Variants in LIN7A observed in about 807,000 individuals in gnomAD.
The protein encoded by LIN7A is protein lin-7 homolog A.
Under a neutral mutation model 29.8 loss-of-function variants are expected in LIN7A, and 25 were observed. The observed-to-expected ratio is 0.84, with a 90% confidence interval of 0.61 to 1.17. The LOEUF (loss-of-function observed/expected upper bound fraction) is 1.17, where lower values mean the gene tolerates loss of function less well. LIN7A is among the 50% of genes most tolerant of loss of function. The pLI, the probability that LIN7A is intolerant of heterozygous loss-of-function variation, is 0.00. For synonymous variants in LIN7A, 118 were observed against 107.5 expected (o/e 1.10, Z -0.60); for missense variants, 239 against 287.0 (o/e 0.83, Z 1.21).
chr12:80,907,053 CTCTGTGTGTGTG>C lies in LIN7A; in HGVS notation c.83-17696_83-17685del, dbSNP rs1368456250. 7.1e-4 allele frequency among the ~76,000 whole-genome samples: 95 copies of C among 133,010 alleles called. 1 individual carries two copies. The highest frequency in any genetic ancestry group is 2.4e-3 in the Admixed American group (32 of 13,410). The allele number at this position is 133,010 out of a possible 152,430, so 87.3% of individuals were successfully genotyped here. A position where few individuals can be genotyped will look rare whatever the true frequency, so the allele number is the denominator to read the frequency against. On this transcript the variant is annotated intron_variant, in intron 1 of 5. Coordinates refer to ENST00000552864, the MANE Select transcript of LIN7A (RefSeq NM_004664.4). ...AATAGAACATACCTCAGAGTGCGTG[CTCTGTGTGTGTG>C]TGTGTGTGTGTGTGTGTGTGTGTGT...
chr12:80,844,779 T>C (rs1399142932), intron 4 of LIN7A, among the ~76,000 whole-genome samples: 1 of 152,182 alleles, frequency 6.6e-6, no homozygotes, highest in Non-Finnish European at 1.5e-5. Flanking sequence ...GAATATGTTA[T>C]GAGAAAATGT....
At chr12:80,875,861 A>G (rs938977555) in intron 2 of LIN7A, among the ~76,000 whole-genome samples, 1 of 152,114 alleles carries the variant, frequency 6.6e-6, no homozygotes, top group African/African-American at 2.4e-5. Context: ...TTAATAAGAT[A>G]GATAGAGATC....
intron 4 of LIN7A, among the ~76,000 whole-genome samples, chr12:80,834,937 T>A (rs910483008): frequency 6.6e-6 from 1 of 152,190 alleles, no homozygotes. Flanking sequence ...TAGACCAGCA[T>A]AAATAAGTTA....
chr12:80,877,698 TTTC>T (rs1487818410), intron 2 of LIN7A, among the ~76,000 whole-genome samples: 1 of 152,176 alleles, frequency 6.6e-6, no homozygotes, highest in Admixed American at 6.5e-5. Flanking sequence ...ACTAAATTCA[TTTC>T]TTTTTACATG....
At chr12:80,826,887 G>A (rs970146085) in intron 4 of LIN7A, among the ~76,000 whole-genome samples, 14 of 152,262 alleles carry the variant, frequency 9.2e-5, no homozygotes, top group African/African-American at 2.9e-4. Flanking sequence ...ACACAACTAT[G>A]ATAGGCACTG....
intron 4 of LIN7A, among the ~76,000 whole-genome samples, chr12:80,842,779 T>C (rs1368334370): frequency 6.6e-6 from 1 of 152,164 alleles, no homozygotes; most frequent in African/African-American, 2.4e-5. Context: ...ATGAAGTCTC[T>C]TATTTACAGA....
chr12:80,832,805 T>C (rs180742875), intron 4 of LIN7A, among the ~76,000 whole-genome samples: 1 of 152,334 alleles, frequency 6.6e-6, no homozygotes, highest in East Asian at 1.9e-4. Context: ...GGTTTGGAAC[T>C]GTTTTCATGA....
intron 1 of LIN7A, among the ~76,000 whole-genome samples, chr12:80,921,263 C>T (rs2120874550): frequency 6.6e-6 from 1 of 151,974 alleles, no homozygotes; most frequent in African/African-American, 2.4e-5. Context: ...AATTCCCAGA[C>T]TCCAGAACCA....
rs540719411 is a variant in LIN7A at position 80,821,142 on chromosome 12, C to T, written c.484-9459G>A. Among the ~76,000 whole-genome samples, 156 of 152,286 alleles carry T rather than the reference C, an allele frequency of 1.0e-3. 1 individual carries two copies. The highest frequency in any genetic ancestry group is 3.7e-3 in the African/African-American group (154 of 41,562). The stretch of plus-strand genomic sequence containing the variant: ...AATTCACTGTGACTTCTTAAACCAC[C>T]AAAGCCTTAGCAGAGCCAGGGTGCC... On this transcript the variant is annotated intron_variant, in intron 4 of 5. Coordinates refer to ENST00000552864, the MANE Select transcript of LIN7A (RefSeq NM_004664.4).
chr12:80,844,803 T>C (rs1006718296), intron 4 of LIN7A, among the ~76,000 whole-genome samples: 5 of 152,212 alleles, frequency 3.3e-5, no homozygotes, highest in Non-Finnish European at 7.3e-5. Flanking sequence ...TTCATACTTT[T>C]ACTTTAAAAT....
chr12:80,825,157 G>A (rs1343727679), intron 4 of LIN7A, among the ~76,000 whole-genome samples: 1 of 152,148 alleles, frequency 6.6e-6, no homozygotes, highest in African/African-American at 2.4e-5. Flanking sequence ...TAGCCAGGAA[G>A]GGAAGGGGTT....
chr12:80,924,651 TA>T (rs1249167920), intron 1 of LIN7A, among the ~76,000 whole-genome samples: 1 of 152,234 alleles, frequency 6.6e-6, no homozygotes, highest in African/African-American at 2.4e-5. Flanking sequence ...CTCATACCCC[TA>T]AAGCCATGTT....
At chr12:80,910,120 CT>C (rs1876681437) in intron 1 of LIN7A, among the ~76,000 whole-genome samples, 1 of 152,118 alleles carries the variant, frequency 6.6e-6, no homozygotes, top group South Asian at 2.1e-4. Flanking sequence ...TTAAATCTGA[CT>C]CAGTACTTTC....
intron 1 of LIN7A, among the ~76,000 whole-genome samples, chr12:80,905,854 T>A (rs1876450132): frequency 6.6e-6 from 1 of 152,170 alleles, no homozygotes; most frequent in Non-Finnish European, 1.5e-5. Context: ...TCAAACTTTC[T>A]TTTTATGATT....
chr12:80,907,658 A>G (rs947656717), intron 1 of LIN7A, among the ~76,000 whole-genome samples: 6 of 152,156 alleles, frequency 3.9e-5, no homozygotes, highest in Non-Finnish European at 8.8e-5. Flanking sequence ...AGAACACAAA[A>G]AAAGGCTATG....
chr12:80,875,592 G>C lies in LIN7A; in HGVS notation c.201+13659C>G, dbSNP rs1048293906. On this transcript the variant is annotated intron_variant, in intron 2 of 5. Transcript: ENST00000552864. The stretch of plus-strand genomic sequence containing the variant: ...ATGTTATTCTGAACTAGAAATGTTA[G>C]CATGTTTTGTCTGCGATTTCTATGA... Among the ~76,000 whole-genome samples, 5 of 152,278 alleles carry C rather than the reference G, an allele frequency of 3.3e-5. No individual in the cohort carries two copies. In the East Asian group the frequency reaches 7.7e-4, roughly 23 times the overall value.
At chr12:80,820,960 G>A (rs953434834) in intron 4 of LIN7A, among the ~76,000 whole-genome samples, 2 of 152,188 alleles carry the variant, frequency 1.3e-5, no homozygotes, top group Non-Finnish European at 2.9e-5. Flanking sequence ...GTGACCGCCA[G>A]TTCTCATTGT....
At chr12:80,811,419 G>GTGTGTATGTA (rs756706832) in intron 5 of LIN7A, 46 bp downstream of exon 5, 39 of 601,526 alleles carry the variant, frequency 6.5e-5, no homozygotes, top group East Asian at 2.7e-4. Flanking sequence ...ATGTGTGTGT[G>GTGTGTATGTA]TATATATATA....
At chr12:80,898,001 GT>G (rs1180783350) in intron 1 of LIN7A, among the ~76,000 whole-genome samples, 1 of 151,986 alleles carries the variant, frequency 6.6e-6, no homozygotes, top group African/African-American at 2.4e-5. Context: ...TTAGGTTTTG[GT>G]TTTGTTGCAA....
Sources: gnomAD v4.1 joint callset for allele counts (sites outside exome capture counted in the v4.1 genomes callset) on GRCh38, gnomAD v4.1.1 for gene constraint, MANE v1.5 for transcripts, NCBI Gene and HGNC (gene_info 2026-07-23, HGNC 2026-07-21) for gene names.